TRPM3: variants seen among roughly 807,000 people sequenced by gnomAD.
The protein encoded by TRPM3 is long transient receptor potential channel 3.
TRPM3 carries 77 observed loss-of-function variants against 181.2 expected under a neutral mutation model. That is an observed-to-expected ratio of 0.42 (90% confidence interval 0.35 to 0.51). The LOEUF is 0.51. TRPM3 is among the 20% of genes least tolerant of loss of function. The probability of loss-of-function intolerance (pLI) is 0.01; values close to 1 mark genes in which losing one functional copy is unlikely to be tolerated. For synonymous variants in TRPM3, 745 were observed against 796.4 expected (o/e 0.94, Z 1.09); for missense variants, 1,759 against 2,196.7 (o/e 0.80, Z 3.98).
At chr9:71,158,126 T>C (rs1411434856) in intron 1 of TRPM3, among the ~76,000 whole-genome samples, 2 of 152,120 alleles carry the variant, frequency 1.3e-5, no homozygotes, top group African/African-American at 2.4e-5. Flanking sequence ...GATACAGAAA[T>C]ATATTTTGCC....
intron 22 of TRPM3, among the ~76,000 whole-genome samples, chr9:70,583,698 G>T (rs900115071): frequency 2.0e-5 from 3 of 152,124 alleles, no homozygotes; most frequent in Non-Finnish European, 4.4e-5. Context: ...AGCCATTTGG[G>T]GAGGTTCCTC....
At chr9:70,551,560 C>T (rs1202252447) in intron 24 of TRPM3, among the ~76,000 whole-genome samples, 1 of 152,174 alleles carries the variant, frequency 6.6e-6, no homozygotes, top group Non-Finnish European at 1.5e-5. Flanking sequence ...GATCTCTGGA[C>T]CATCCTACTT....
chr9:70,589,747 A>G (rs1446795555), intron 22 of TRPM3, among the ~76,000 whole-genome samples: 2 of 152,226 alleles, frequency 1.3e-5, no homozygotes, highest in Admixed American at 1.3e-4. Flanking sequence ...AGGTGTTCCA[A>G]AAAGTCTTGA....
chr9:71,134,008 TGTGTGTGCGCGTGCGC>T (rs2074576088), intron 1 of TRPM3, among the ~76,000 whole-genome samples: 1 of 87,922 alleles, frequency 1.1e-5, no homozygotes, highest in African/African-American at 6.0e-5. Flanking sequence ...TGTGTGTGTG[TGTGTGTGCGCGTGCGC>T]GCGCGCGCGT....
At chr9:71,269,762 C>A (rs1019538736) in intron 1 of TRPM3, among the ~76,000 whole-genome samples, 1 of 152,066 alleles carries the variant, frequency 6.6e-6, no homozygotes, top group Non-Finnish European at 1.5e-5. Flanking sequence ...CCTGTAGTTC[C>A]CTGTGGATTT....
chr9:70,688,364 T>C (rs1478438968), intron 8 of TRPM3, among the ~76,000 whole-genome samples: 1 of 152,182 alleles, frequency 6.6e-6, no homozygotes, highest in Non-Finnish European at 1.5e-5. Flanking sequence ...ATAAGTTCTA[T>C]AGTGGTGATT....
chr9:71,433,879 G>T (rs926703048), intron 1 of TRPM3, among the ~76,000 whole-genome samples: 2 of 152,144 alleles, frequency 1.3e-5, no homozygotes, highest in Admixed American at 6.5e-5. Context: ...CCTGAGGCTG[G>T]GCACGGTGAC....
intron 1 of TRPM3, among the ~76,000 whole-genome samples, chr9:71,055,757 T>C (rs1186860114): frequency 1.3e-5 from 2 of 152,032 alleles, no homozygotes. Context: ...TGTTAGTGTA[T>C]CTTTCTGAGT....
intron 1 of TRPM3, among the ~76,000 whole-genome samples, chr9:71,011,778 T>G (rs1465420353): frequency 7.6e-6 from 1 of 130,840 alleles, no homozygotes; most frequent in African/African-American, 3.0e-5. Context: ...TGGTTTTTTT[T>G]TTTGTTTTTT....
At chr9:71,127,921 T>C (rs2074143734) in intron 1 of TRPM3, among the ~76,000 whole-genome samples, 1 of 152,216 alleles carries the variant, frequency 6.6e-6, no homozygotes, top group Non-Finnish European at 1.5e-5. Flanking sequence ...AATAAGCCAA[T>C]ATGGGCAGAA....
At chr9:71,279,083 T>C (rs894654685) in intron 1 of TRPM3, among the ~76,000 whole-genome samples, 1 of 142,916 alleles carries the variant, frequency 7.0e-6, no homozygotes, top group Non-Finnish European at 1.5e-5. Flanking sequence ...CCAACGACCA[T>C]TTATGCTCAT....
chr9:71,091,629 A>G (rs2066238574), intron 1 of TRPM3, among the ~76,000 whole-genome samples: 1 of 152,160 alleles, frequency 6.6e-6, no homozygotes, highest in Non-Finnish European at 1.5e-5. Flanking sequence ...ACCTGAAGCC[A>G]AACAACTCCT....
chr9:71,142,271 T>G (rs1454205127), intron 1 of TRPM3, among the ~76,000 whole-genome samples: 1 of 152,122 alleles, frequency 6.6e-6, no homozygotes, highest in Non-Finnish European at 1.5e-5. Context: ...GTTTTGCATG[T>G]GGTGGCCACT....
upstream of TRPM3, among the ~76,000 whole-genome samples, chr9:71,124,718 T>C (rs1002138714): frequency 6.6e-6 from 1 of 152,166 alleles, no homozygotes; most frequent in African/African-American, 2.4e-5. Flanking sequence ...TTCCTTCTCT[T>C]CAAAAGTCAT....
chr9:70,848,611 T>C (rs1256071353), intron 3 of TRPM3, among the ~76,000 whole-genome samples: 3 of 152,180 alleles, frequency 2.0e-5, no homozygotes, highest in Non-Finnish European at 2.9e-5. Flanking sequence ...GTACAAAGAA[T>C]AGTCATTAGA....
At chr9:70,802,764 C>A (rs534426769) in intron 6 of TRPM3, among the ~76,000 whole-genome samples, 1 of 152,048 alleles carries the variant, frequency 6.6e-6, no homozygotes. Context: ...CGATTCGACC[C>A]TATTTTAATA....
chr9:70,750,304 G>A (rs989465078), intron 8 of TRPM3, among the ~76,000 whole-genome samples: 2 of 152,248 alleles, frequency 1.3e-5, no homozygotes, highest in South Asian at 2.1e-4. Context: ...GAAACAGGGT[G>A]GTAAAAAGAA....
intron 1 of TRPM3, among the ~76,000 whole-genome samples, chr9:71,288,795 A>G (rs2085521390): frequency 6.6e-6 from 1 of 152,140 alleles, no homozygotes; most frequent in South Asian, 2.1e-4. Flanking sequence ...GGCCCAACAG[A>G]TAGGCAGTCA....
chr9:71,183,408 T>A (rs2077510605), intron 1 of TRPM3, among the ~76,000 whole-genome samples: 1 of 152,162 alleles, frequency 6.6e-6, no homozygotes, highest in African/African-American at 2.4e-5. Flanking sequence ...GCATTTCTCC[T>A]CTAGCCATCC....
Sources: gnomAD v4.1 joint callset for allele counts (sites outside exome capture counted in the v4.1 genomes callset) on GRCh38, gnomAD v4.1.1 for gene constraint, MANE v1.5 for transcripts, NCBI Gene and HGNC (gene_info 2026-07-23, HGNC 2026-07-21) for gene names.